The following LRFN2 variants were observed in gnomAD, a reference collection of about 807,000 sequenced individuals.
The protein encoded by LRFN2 is leucine rich repeat and fibronectin type III domain containing 2.
A neutral mutation model predicts 37.3 loss-of-function variants in LRFN2; 18 were observed. The observed-to-expected ratio is 0.48, with a 90% confidence interval of 0.33 to 0.72. The LOEUF (loss-of-function observed/expected upper bound fraction) is 0.72. Ranked by LOEUF, LRFN2 falls within the 30% of genes least tolerant of loss-of-function variation. The probability of loss-of-function intolerance (pLI) is 0.02; values close to 1 mark genes in which losing one functional copy is unlikely to be tolerated. For synonymous variants in LRFN2, 556 were observed against 466.6 expected, an observed-to-expected ratio of 1.19 and a Z score of -2.47; for missense variants, 1,006 against 1,060.7, an observed-to-expected ratio of 0.95 and a Z score of 0.72.
At chr6:40,498,612 T>A (rs773404542) in intron 1 of LRFN2, among the ~76,000 whole-genome samples, 1 of 152,198 alleles carries the variant, frequency 6.6e-6, no homozygotes, top group Non-Finnish European at 1.5e-5. Flanking sequence ...CTCACACATA[T>A]GATCTCATGT....
At chr6:40,462,747 C>T (rs1764373518) in intron 1 of LRFN2, among the ~76,000 whole-genome samples, 2 of 152,180 alleles carry the variant, frequency 1.3e-5, no homozygotes, top group African/African-American at 4.8e-5. Flanking sequence ...GGCACCAAGG[C>T]TCACAGGAGG....
intron 1 of LRFN2, among the ~76,000 whole-genome samples, chr6:40,472,534 G>C (rs572282444): frequency 1.3e-5 from 2 of 152,136 alleles, no homozygotes; most frequent in South Asian, 2.1e-4. Context: ...AATGACCTTG[G>C]GGGGCCTGTG....
chr6:40,542,615 TG>T lies in LRFN2; in HGVS notation c.-19+44325del, dbSNP rs371183867. ...CTGCACCCTGGGCCTCTGAGCTGGG[TG>T]GGGTGGAGGGAAGTGAGATACTAAA... On this transcript the variant is annotated intron_variant, in intron 1 of 2. Coordinates refer to ENST00000338305, the MANE Select transcript of LRFN2 (RefSeq NM_020737.3). Among the ~76,000 whole-genome samples, 17 of 152,160 alleles carry T rather than the reference TG, an allele frequency of 1.1e-4. No homozygotes were observed. The East Asian group carries it at 1.2e-3, about 10-fold the overall frequency.
At chr6:40,394,644 G>T (rs912694201) in intron 2 of LRFN2, among the ~76,000 whole-genome samples, 3 of 152,076 alleles carry the variant, frequency 2.0e-5, no homozygotes, top group African/African-American at 7.2e-5. Flanking sequence ...AGCCCCCAAG[G>T]CCCACCTGAT....
intron 2 of LRFN2, among the ~76,000 whole-genome samples, chr6:40,400,663 C>T (rs1231965520): frequency 1.3e-5 from 2 of 151,608 alleles, no homozygotes; most frequent in Admixed American, 6.6e-5. Flanking sequence ...TCAAGTGATC[C>T]ACCCACCTTG....
intron 1 of LRFN2, among the ~76,000 whole-genome samples, chr6:40,559,537 G>A (rs752471980): frequency 2.0e-5 from 3 of 152,144 alleles, no homozygotes; most frequent in Non-Finnish European, 4.4e-5. Context: ...CACTATGGGG[G>A]TAGGGGCAGC....
At chr6:40,528,969 C>T (rs2113907841) in intron 1 of LRFN2, among the ~76,000 whole-genome samples, 1 of 152,294 alleles carries the variant, frequency 6.6e-6, no homozygotes, top group South Asian at 2.1e-4. Flanking sequence ...TTGGGGAAGG[C>T]ACTGCCTGGG....
At chr6:40,546,945 G>A (rs1766673745) in intron 1 of LRFN2, among the ~76,000 whole-genome samples, 1 of 152,108 alleles carries the variant, frequency 6.6e-6, no homozygotes, top group African/African-American at 2.4e-5. Flanking sequence ...TTTGTCAAAT[G>A]AGACAAAATA....
intron 1 of LRFN2, among the ~76,000 whole-genome samples, chr6:40,526,507 A>C (rs774221537): frequency 5.9e-5 from 9 of 152,106 alleles, no homozygotes; most frequent in African/African-American, 2.2e-4. Context: ...TTAGCACACC[A>C]GTTCTCCACA....
intron 2 of LRFN2, among the ~76,000 whole-genome samples, chr6:40,414,349 G>C (rs1450813802): frequency 4.6e-5 from 7 of 152,098 alleles, no homozygotes; most frequent in Admixed American, 2.6e-4. Context: ...GGACACCTCG[G>C]GCAGGCTTCT....
rs2113825258 is a variant in LRFN2 at position 40,432,601 on chromosome 6, G to A, written c.513C>T (p.Arg171=). The change falls in exon 2 of 3, where the codon CGC becomes CGT. Residue 171 remains arginine, a synonymous_variant. Coordinates refer to ENST00000338305, the MANE Select transcript of LRFN2 (RefSeq NM_020737.3). ...LHGLPWDSVR[R]MVNLHQLSLD... is the part of the protein sequence containing the mutation. ...GGCTCAGCTGGTGGAGGTTGACCAT[G>A]CGTCGCACGGAGTCCCACGGCAGGC... is the stretch of plus-strand genomic sequence containing the variant. 6.2e-7 allele frequency: 1 copy of A among 1,614,206 alleles called. No individual in the cohort carries two copies. The highest frequency in any genetic ancestry group is 8.5e-7 in the Non-Finnish European group (1 of 1,180,042).
At chr6:40,542,563 C>T (rs1766575847) in intron 1 of LRFN2, among the ~76,000 whole-genome samples, 1 of 152,056 alleles carries the variant, frequency 6.6e-6, no homozygotes, top group Non-Finnish European at 1.5e-5. Context: ...AGGAGAGCAA[C>T]CACCATCCAG....
At chr6:40,468,136 G>A (rs891281267) in intron 1 of LRFN2, among the ~76,000 whole-genome samples, 1 of 152,102 alleles carries the variant, frequency 6.6e-6, no homozygotes, top group Non-Finnish European at 1.5e-5. Flanking sequence ...GTGGGCTGTG[G>A]GGACTCAGAG....
intron 1 of LRFN2, among the ~76,000 whole-genome samples, chr6:40,565,581 C>T (rs532276479): frequency 7.0e-4 from 106 of 152,276 alleles, no homozygotes; most frequent in African/African-American, 2.3e-3. Flanking sequence ...AATATTGCCA[C>T]CTATCTACAA....
intron 2 of LRFN2, among the ~76,000 whole-genome samples, chr6:40,399,926 A>G (rs951020376): frequency 6.6e-6 from 1 of 151,856 alleles, no homozygotes; most frequent in African/African-American, 2.4e-5. Context: ...GTGAAACTCC[A>G]GCTTTAGGAA....
chr6:40,459,983 T>A (rs1183695566), intron 1 of LRFN2, among the ~76,000 whole-genome samples: 1 of 152,144 alleles, frequency 6.6e-6, no homozygotes. Flanking sequence ...TGCAAGCCAA[T>A]ATTTATAACC....
chr6:40,459,010 A>C (rs1581722090), intron 1 of LRFN2, among the ~76,000 whole-genome samples: 3 of 152,244 alleles, frequency 2.0e-5, no homozygotes, highest in Admixed American at 1.3e-4. Context: ...TAACTGATAC[A>C]CTGGATTAAA....
At chr6:40,585,981 G>A (rs144631437) in intron 1 of LRFN2, among the ~76,000 whole-genome samples, 51 of 152,270 alleles carry the variant, frequency 3.3e-4, no homozygotes, top group African/African-American at 1.2e-3. Flanking sequence ...GTGTCTGTCC[G>A]TCTGCAGCTG....
chr6:40,541,809 G>A (rs1402054072), intron 1 of LRFN2, among the ~76,000 whole-genome samples: 1 of 152,222 alleles, frequency 6.6e-6, no homozygotes. Flanking sequence ...GGCAGCCACA[G>A]CCCCCTAGTC....
Sources: gnomAD v4.1 joint callset for allele counts (sites outside exome capture counted in the v4.1 genomes callset) on GRCh38, gnomAD v4.1.1 for gene constraint, MANE v1.5 for transcripts, NCBI Gene and HGNC (gene_info 2026-07-23, HGNC 2026-07-21) for gene names.